Variants in KCNQ1 observed in about 807,000 individuals in gnomAD.
The protein encoded by KCNQ1 is potassium voltage-gated channel subfamily KQT member 1.
In KCNQ1, 49 loss-of-function variants were observed where a neutral mutation model predicts 72.4. The observed-to-expected ratio is 0.68, with a 90% confidence interval of 0.54 to 0.86. The LOEUF (loss-of-function observed/expected upper bound fraction) is 0.86. KCNQ1 is among the 40% of genes least tolerant of loss of function. KCNQ1 has a pLI of 0.00. For missense variants in KCNQ1, 790 were observed against 945.1 expected, an observed-to-expected ratio of 0.84 and a Z score of 2.15; for synonymous variants, 450 against 412.6, an observed-to-expected ratio of 1.09 and a Z score of -1.10.
rs901524990 is a variant in KCNQ1 at position 2,493,132 on chromosome 11, T to C, written c.387-34796T>C. ...GTAATGATTAGCTTTTTTTTCCATA[T>C]GTTTCTTGGCCACATAAATGTCTTC... On this transcript the variant is annotated intron_variant, in intron 1 of 15. Coordinates refer to ENST00000155840, the MANE Select transcript of KCNQ1 (RefSeq NM_000218.3). The surrounding 1 kb of genome is among the most constrained non-coding windows in gnomAD (Gnocchi z 5.3). Among the ~76,000 whole-genome samples the C allele has an allele frequency of 1.3e-5, 2 of 152,244 alleles. No homozygotes were observed. The highest frequency in any genetic ancestry group is 4.8e-5 in the African/African-American group (2 of 41,464).
At chr11:2,835,627 A>C (rs1035039422) in intron 15 of KCNQ1, among the ~76,000 whole-genome samples, 3 of 152,164 alleles carry the variant, frequency 2.0e-5, no homozygotes, top group African/African-American at 7.2e-5. Flanking sequence ...GAGACAGAAA[A>C]CAAAGGCAGC....
chr11:2,528,112 C>T, intron 2 of KCNQ1, 94 bp downstream of exon 2: 1 of 1,051,784 alleles, frequency 9.5e-7, no homozygotes, highest in Non-Finnish European at 1.5e-6. Context: ...GGGGCAGAGC[C>T]ACTCCCAGCC....
chr11:2,606,933 C>T lies in KCNQ1; in HGVS notation c.1393+18079C>T, dbSNP rs187870477. On this transcript the variant is annotated intron_variant, in intron 10 of 15. Coordinates refer to ENST00000155840, the MANE Select transcript of KCNQ1 (RefSeq NM_000218.3). Reference sequence around the variant, plus strand: ...TTTTTTTTTTTTTGAGACAGAGTCTCGCTCTGTCACCCAGGCTGGAATGCA... The same window carrying T: ...TTTTTTTTTTTTTGAGACAGAGTCTTGCTCTGTCACCCAGGCTGGAATGCA... 8.8e-3 allele frequency among the ~76,000 whole-genome samples: 1,070 copies of T among 120,924 alleles called. 43 individuals carry two copies. In the East Asian group the frequency reaches 0.099, roughly 11 times the overall value. The allele number at this position is 120,924 out of a possible 152,430, so 79.3% of individuals were successfully genotyped here.
At chr11:2,728,168 C>T (rs1326742531) in intron 11 of KCNQ1, among the ~76,000 whole-genome samples, 2 of 152,144 alleles carry the variant, frequency 1.3e-5, no homozygotes, top group African/African-American at 4.8e-5. Flanking sequence ...CCTCCCCTCA[C>T]ACAGGCCTCA....
intron 1 of KCNQ1, among the ~76,000 whole-genome samples, chr11:2,506,601 A>G (rs1847109236): frequency 1.3e-5 from 2 of 152,232 alleles, no homozygotes; most frequent in South Asian, 4.1e-4. Flanking sequence ...TGGAGGTGTT[A>G]TCTTCAGGGT....
At chr11:2,775,781 C>A (rs912114217) in intron 12 of KCNQ1, among the ~76,000 whole-genome samples, 179 bp from the exon 13 acceptor site, 4 of 152,212 alleles carry the variant, frequency 2.6e-5, no homozygotes, top group African/African-American at 9.7e-5. Flanking sequence ...CATGGCCAAG[C>A]TGATGGGGAC....
At position 2,588,561 on chromosome 11, in the gene KCNQ1, A is replaced by G; in HGVS notation, c.1252-152A>G. 1.1e-6 allele frequency: 1 copy of G among 914,996 alleles called. No individual in the cohort carries two copies. Among genetic ancestry groups the G allele is most frequent in the African/African-American group, 1.6e-5 (1 of 60,680 alleles). The allele number at this position is 914,996 out of a possible 1,614,324, so 56.7% of individuals were successfully genotyped here. A position where few individuals can be genotyped will look rare whatever the true frequency, so the allele number is the denominator to read the frequency against. On this transcript the variant is annotated intron_variant, in intron 9 of 15. Coordinates refer to ENST00000155840, the MANE Select transcript of KCNQ1 (RefSeq NM_000218.3). This position sits in a 1 kb window ranked among gnomAD's most constrained non-coding sequence, Gnocchi z 5.6. The stretch of plus-strand genomic sequence containing the variant: ...GCAGCCCTGCCCTGTCTCTGTGTGA[A>G]GACACTGGAGCTGGCCCCAGGCCTC...
Position 2,847,811 on chromosome 11 carries a change from T to C in KCNQ1, c.1839T>C (p.Leu613=). The change falls in exon 16 of 16, where the codon CTT becomes CTC. Residue 613 remains leucine (L), a synonymous_variant. Coordinates refer to ENST00000155840, the MANE Select transcript of KCNQ1 (RefSeq NM_000218.3). The part of the protein sequence containing the change: ...DQRLALITDM[L]HQLLSLHGGS... ...GGCTGGCACTCATCACCGACATGCT[T>C]CACCAGCTGCTCTCCTTGCACGGTG... The C allele has an allele frequency of 6.4e-7, 1 of 1,570,166 alleles. No homozygotes were observed. Among genetic ancestry groups the C allele is most frequent in the Non-Finnish European group, 8.6e-7 (1 of 1,157,334 alleles).
At chr11:2,519,563 T>G (rs1847344987) in intron 1 of KCNQ1, among the ~76,000 whole-genome samples, 1 of 152,168 alleles carries the variant, frequency 6.6e-6, no homozygotes, top group African/African-American at 2.4e-5. Context: ...GAGGCTGCAG[T>G]GAGCCAGGAT....
At chr11:2,739,477 G>C (rs1297231995) in intron 11 of KCNQ1, among the ~76,000 whole-genome samples, 2 of 152,226 alleles carry the variant, frequency 1.3e-5, no homozygotes, top group Non-Finnish European at 1.5e-5. Context: ...GACATAGGTG[G>C]GCAACATTTT....
At position 2,451,759 on chromosome 11, in the gene KCNQ1, A is replaced by G. The variant is rs1846121889; in HGVS notation, c.386+6275A>G. On this transcript the variant is annotated intron_variant, in intron 1 of 15. Transcript: ENST00000155840. This position sits in a 1 kb window ranked among gnomAD's most constrained non-coding sequence, Gnocchi z 6.4. ...ACCTGGGGCCTGGGCTCTGCTCCCC[A>G]TTTCGCTCCTCCACTCACAGATGAG... 6.6e-6 allele frequency among the ~76,000 whole-genome samples: 1 copy of G among 151,926 alleles called. No individual in the cohort carries two copies. The highest frequency in any genetic ancestry group is 2.1e-4 in the South Asian group (1 of 4,810).
chr11:2,722,936 C>T (rs765059082), intron 11 of KCNQ1, among the ~76,000 whole-genome samples: 12 of 152,302 alleles, frequency 7.9e-5, no homozygotes, highest in Middle Eastern at 3.4e-3. Context: ...CTCCCAGGAC[C>T]AACTGGCAGA....
chr11:2,453,959 A>G (rs1454659121), intron 1 of KCNQ1, among the ~76,000 whole-genome samples: 1 of 152,170 alleles, frequency 6.6e-6, no homozygotes, highest in South Asian at 2.1e-4. Flanking sequence ...TTTTTCAGGC[A>G]GGGTCTTGCT....
chr11:2,724,391 C>T lies in KCNQ1; in HGVS notation c.1515-44453C>T, dbSNP rs1845722879. Among the ~76,000 whole-genome samples, 1 of 152,162 alleles carries T rather than the reference C, an allele frequency of 6.6e-6. No individual in the cohort carries two copies. Among genetic ancestry groups the T allele is most frequent in the Admixed American group, 6.5e-5 (1 of 15,284 alleles). On this transcript the variant is annotated intron_variant, in intron 11 of 15. Transcript: ENST00000155840. This position sits in a 1 kb window ranked among gnomAD's most constrained non-coding sequence, Gnocchi z 6.8. ...CTGCACAGTGGAATGGAGCTGGCAG[C>T]CAGGGTCCCTGTCCCGCCAGCCCTA...
chr11:2,691,356 G>T lies in KCNQ1; in HGVS notation c.1514+29275G>T. ...TGCACTTACAGTGACCACCCATCCT[G>T]ACATCTTGGGCTCAGGCCTCTGGGT... On this transcript the variant is annotated intron_variant, in intron 11 of 15. Coordinates refer to ENST00000155840, the MANE Select transcript of KCNQ1 (RefSeq NM_000218.3). The surrounding 1 kb of genome is among the most constrained non-coding windows in gnomAD (Gnocchi z 6.4). 1 of 398,638 alleles carries T rather than the reference G, an allele frequency of 2.5e-6. No homozygotes were observed. Among genetic ancestry groups the T allele is most frequent in the South Asian group, 1.3e-4 (1 of 7,856 alleles). 24.7% of individuals were successfully genotyped at this position (398,638 alleles called of 1,614,324 possible). A position where few individuals can be genotyped will look rare whatever the true frequency, so the allele number is the denominator to read the frequency against.
rs961053987 is a variant in KCNQ1, at chr11:2,524,476, G to A, written c.387-3452G>A. Reference sequence around the variant, plus strand: ...TGATGTCACAGTCTGGCAGGGTCTCGTGGGGGTCTGTGTTACTGTCTGCAA... The same window carrying A: ...TGATGTCACAGTCTGGCAGGGTCTCATGGGGGTCTGTGTTACTGTCTGCAA... On this transcript the variant is annotated intron_variant, in intron 1 of 15. Coordinates refer to ENST00000155840, the MANE Select transcript of KCNQ1 (RefSeq NM_000218.3). Among the ~76,000 whole-genome samples, 27 of 152,204 alleles carry A rather than the reference G, an allele frequency of 1.8e-4. 1 individual carries two copies. Among genetic ancestry groups the A allele is most frequent in the Admixed American group, 1.4e-3 (22 of 15,280 alleles).
rs150493724 is a variant in KCNQ1, at chr11:2,587,146, C to T, written c.1129-424C>T. Among the ~76,000 whole-genome samples, 106 of 152,324 alleles carry T rather than the reference C, an allele frequency of 7.0e-4. 1 individual carries two copies. The highest frequency in any genetic ancestry group is 2.5e-3 in the African/African-American group (102 of 41,572). On this transcript the variant is annotated intron_variant, in intron 8 of 15. Coordinates refer to ENST00000155840, the MANE Select transcript of KCNQ1 (RefSeq NM_000218.3). ...CTCAGCACCTGCAGGTCCTGGGCGA[C>T]CCCTCTTTCTCAGCCCTTCCTCACT...
rs1367834090 is a variant in KCNQ1, at chr11:2,593,451, C to T, written c.1393+4597C>T. On this transcript the variant is annotated intron_variant, in intron 10 of 15. Transcript: ENST00000155840. The surrounding 1 kb of genome is among the most constrained non-coding windows in gnomAD (Gnocchi z 6.9). ...GTGACGTAGGATCGGGCAGCACGCA[C>T]CTTTCCACCTGGCCTGGAGGTGATT... Among the ~76,000 whole-genome samples, 1 of 152,214 alleles carries T rather than the reference C, an allele frequency of 6.6e-6. No homozygotes were observed. The highest frequency in any genetic ancestry group is 2.4e-5 in the African/African-American group (1 of 41,452).
In KCNQ1 at chr11:2,497,528, G is replaced by A. The variant is rs1846943177; in HGVS notation, c.387-30400G>A. 1.3e-5 allele frequency among the ~76,000 whole-genome samples: 2 copies of A among 152,140 alleles called. No homozygotes were observed. Among genetic ancestry groups the A allele is most frequent in the African/African-American group, 2.4e-5 (1 of 41,422 alleles). On this transcript the variant is annotated intron_variant, in intron 1 of 15. Coordinates refer to ENST00000155840, the MANE Select transcript of KCNQ1 (RefSeq NM_000218.3). The surrounding 1 kb of genome is among the most constrained non-coding windows in gnomAD (Gnocchi z 4.5). ...TTTTCAGCTCCATGAGGTCATTTATGTTCCTCTCTAAACTGGTTATTCTAG... is the reference window on the plus strand; with the variant it reads ...TTTTCAGCTCCATGAGGTCATTTATATTCCTCTCTAAACTGGTTATTCTAG...
Sources: allele counts gnomAD v4.1 joint callset (sites outside exome capture counted in the v4.1 genomes callset), GRCh38; gene constraint gnomAD v4.1.1; non-coding constraint Gnocchi (gnomAD v3.1); transcripts MANE v1.5; gene names NCBI Gene and HGNC (gene_info 2026-07-23, HGNC 2026-07-21).